C1orf87: variants seen among roughly 807,000 people sequenced by gnomAD.
C1orf87 encodes the protein uncharacterized protein C1orf87.
C1orf87 carries 58 observed loss-of-function variants against 60.5 expected under a neutral mutation model. The ratio of observed to expected loss-of-function variants is 0.96; its 90% CI spans 0.78 to 1.19. C1orf87 has a LOEUF of 1.19. C1orf87 is among the 50% of genes most tolerant of loss of function. The probability of loss-of-function intolerance (pLI) is 0.00; values close to 1 mark genes in which losing one functional copy is unlikely to be tolerated. For missense variants in C1orf87, 673 were observed against 638.6 expected (o/e 1.05, Z -0.58); for synonymous variants, 236 against 227.4 (o/e 1.04, Z -0.34).
intron 2 of C1orf87, 112 bp from the exon 3 acceptor site, chr1:60,055,550 AGTGGAAT>A: frequency 1.2e-6 from 1 of 835,928 alleles, no homozygotes; most frequent in South Asian, 1.6e-5. Context: ...AACTCAGCAC[AGTGGAAT>A]GTGGAAGCAT....
chr1:59,998,500 A>G (rs1037594762), intron 10 of C1orf87, among the ~76,000 whole-genome samples: 2 of 145,514 alleles, frequency 1.4e-5, no homozygotes, highest in African/African-American at 5.1e-5. Context: ...AGTGCCATAT[A>G]AGGCATTCTG....
At chr1:60,004,863 G>A (rs1014826854) in intron 9 of C1orf87, among the ~76,000 whole-genome samples, 1 of 148,914 alleles carries the variant, frequency 6.7e-6, no homozygotes, top group Non-Finnish European at 1.5e-5. Flanking sequence ...GCTCCTGTCT[G>A]CCCTCACTAA....
chr1:60,002,903 G>T (rs1383307170), intron 9 of C1orf87, among the ~76,000 whole-genome samples: 3 of 150,836 alleles, frequency 2.0e-5, no homozygotes, highest in Admixed American at 2.0e-4. Flanking sequence ...CATTGTGGAA[G>T]TCAGTGTGGC....
intron 11 of C1orf87, 77 bp from the exon 12 acceptor site, chr1:59,990,910 A>C (rs1557451394): frequency 3.5e-6 from 5 of 1,415,300 alleles, no homozygotes; most frequent in Non-Finnish European, 4.9e-6. Flanking sequence ...TATTAGCTTG[A>C]ATGACTTCCA....
intron 7 of C1orf87, among the ~76,000 whole-genome samples, chr1:60,033,214 A>G (rs1645251560): frequency 6.6e-6 from 1 of 152,222 alleles, no homozygotes; most frequent in African/African-American, 2.4e-5. Context: ...CCATTATGAA[A>G]TATTATTTGA....
chr1:60,060,097 T>C (rs1281593330), intron 2 of C1orf87, among the ~76,000 whole-genome samples: 1 of 150,858 alleles, frequency 6.6e-6, no homozygotes, highest in Non-Finnish European at 1.5e-5. Flanking sequence ...TTTCTTTTTT[T>C]TTTTTTATGT....
chr1:60,072,672 T>C lies in C1orf87; in HGVS notation c.-27-2A>G, dbSNP rs1645592618. ...TCCTTTCAAAATCCCTTCAGATCCC[T>C]AGGGGTGAAAATAAGTAAATTGTTC... On this transcript the variant is annotated splice_acceptor_variant, in intron 1 of 11. Transcript: ENST00000371201. LOFTEE classifies it low-confidence loss of function (5UTR_SPLICE). The C allele has an allele frequency of 6.7e-7, 1 of 1,498,526 alleles. No homozygotes were observed. Among genetic ancestry groups the C allele is most frequent in the Non-Finnish European group, 9.2e-7 (1 of 1,091,748 alleles). The allele number at this position is 1,498,526 out of a possible 1,614,324, so 92.8% of individuals were successfully genotyped here.
intron 2 of C1orf87, among the ~76,000 whole-genome samples, chr1:60,062,117 ATTTAG>A (rs935119728): frequency 1.3e-5 from 2 of 152,072 alleles, no homozygotes; most frequent in African/African-American, 4.8e-5. Context: ...TGCTTCCTTT[ATTTAG>A]TTTCGGTAAC....
intron 3 of C1orf87, among the ~76,000 whole-genome samples, chr1:60,047,844 A>AT (rs1201517895): frequency 6.6e-6 from 1 of 152,014 alleles, no homozygotes; most frequent in Non-Finnish European, 1.5e-5. Context: ...ACATTTAAAT[A>AT]TTTTTTTCAA....
Position 60,055,189 on chromosome 1 carries a change from T to A in C1orf87, c.342+15A>T. 1.9e-6 allele frequency: 3 copies of A among 1,588,306 alleles called. No individual in the cohort carries two copies. Among genetic ancestry groups the A allele is most frequent in the Non-Finnish European group, 2.6e-6 (3 of 1,157,172 alleles). ...TAAATTATCAAGATAAACGTGGGTA[T>A]TTTTTGTCACTCACATTGCCATCCA... On this transcript the variant is annotated intron_variant, in intron 3 of 11. Coordinates refer to ENST00000371201, the MANE Select transcript of C1orf87 (RefSeq NM_152377.3).
At chr1:60,041,966 C>T (rs1364155349) in intron 3 of C1orf87, among the ~76,000 whole-genome samples, 1 of 152,150 alleles carries the variant, frequency 6.6e-6, no homozygotes, top group Non-Finnish European at 1.5e-5. Flanking sequence ...CTAGCTAGTC[C>T]TAAGCTGTTT....
rs12021940 is a variant in C1orf87, at chr1:60,012,875, G to A, written c.1128-2419C>T. On this transcript the variant is annotated intron_variant, in intron 8 of 11. Transcript: ENST00000371201. Reference sequence around the variant, plus strand: ...TTATGCCCTGACTCCAAATCTATTCGAACGTAATGTAACTTGACTTCATTT... The same window carrying A: ...TTATGCCCTGACTCCAAATCTATTCAAACGTAATGTAACTTGACTTCATTT... 6.6e-5 allele frequency among the ~76,000 whole-genome samples: 10 copies of A among 152,184 alleles called. No individual in the cohort carries two copies. In the East Asian group the frequency reaches 7.7e-4, roughly 12 times the overall value.
At chr1:60,008,078 A>G (rs1645058512) in intron 9 of C1orf87, among the ~76,000 whole-genome samples, 2 of 152,078 alleles carry the variant, frequency 1.3e-5, no homozygotes, top group Non-Finnish European at 2.9e-5. Flanking sequence ...GTACAGAAAC[A>G]AGAAGAGACC....
chr1:60,044,901 T>A (rs1645354971), intron 3 of C1orf87, among the ~76,000 whole-genome samples: 2 of 152,146 alleles, frequency 1.3e-5, no homozygotes, highest in African/African-American at 4.8e-5. Flanking sequence ...CCTAGTTGTG[T>A]GATGTTTGCC....
intron 3 of C1orf87, among the ~76,000 whole-genome samples, chr1:60,047,104 C>T (rs954757435): frequency 6.6e-6 from 1 of 152,142 alleles, no homozygotes; most frequent in African/African-American, 2.4e-5. Flanking sequence ...ATTCTTATCC[C>T]ACCATTCTTC....
At chr1:60,016,434 A>G (rs938147890) in intron 8 of C1orf87, among the ~76,000 whole-genome samples, 4 of 152,182 alleles carry the variant, frequency 2.6e-5, no homozygotes, top group African/African-American at 9.6e-5. Context: ...TTGTTTTTCT[A>G]TGCTTTAACC....
intron 5 of C1orf87, among the ~76,000 whole-genome samples, chr1:60,039,226 C>T (rs755699039): frequency 3.1e-4 from 47 of 152,104 alleles, no homozygotes; most frequent in Non-Finnish European, 5.1e-4. Flanking sequence ...TTTGTGCTGT[C>T]TATTGCTTTG....
At chr1:60,041,803 C>T (rs1645326887) in intron 3 of C1orf87, among the ~76,000 whole-genome samples, 1 of 152,176 alleles carries the variant, frequency 6.6e-6, no homozygotes, top group African/African-American at 2.4e-5. Context: ...CTTTCATATG[C>T]AAACCAGTCC....
intron 8 of C1orf87, among the ~76,000 whole-genome samples, chr1:60,016,793 G>T (rs1375490017): frequency 2.0e-5 from 3 of 152,102 alleles, no homozygotes; most frequent in East Asian, 3.9e-4. Flanking sequence ...TCCCTCTTTG[G>T]TATTCATATC....
Sources: allele counts gnomAD v4.1 joint callset (sites outside exome capture counted in the v4.1 genomes callset), GRCh38; gene constraint gnomAD v4.1.1; transcripts MANE v1.5; gene names NCBI Gene and HGNC (gene_info 2026-07-23, HGNC 2026-07-21).